Variants in TPTE2 observed in about 807,000 individuals in gnomAD.
The protein encoded by TPTE2 is phosphatidylinositol 3,4,5-trisphosphate 3-phosphatase TPTE2.
A neutral mutation model predicts 78.6 loss-of-function variants in TPTE2; 53 were observed. The ratio of observed to expected loss-of-function variants is 0.67; its 90% CI spans 0.54 to 0.85. The LOEUF (loss-of-function observed/expected upper bound fraction) is 0.85, where lower values mean the gene tolerates loss of function less well. TPTE2 is among the 40% of genes least tolerant of loss of function. The probability of loss-of-function intolerance (pLI) is 0.00; values close to 1 mark genes in which losing one functional copy is unlikely to be tolerated. For missense variants in TPTE2, 461 were observed against 623.0 expected (o/e 0.74, Z 2.77); for synonymous variants, 175 against 206.2 (o/e 0.85, Z 1.30).
chr13:19,502,983 A>G (rs1166140598), intron 1 of TPTE2, among the ~76,000 whole-genome samples: 5 of 152,146 alleles, frequency 3.3e-5, no homozygotes, highest in Non-Finnish European at 7.4e-5. Context: ...CAAAGGCTAC[A>G]TTGAAAAGAA....
rs1470735420 is a variant in TPTE2 at position 19,443,181 on chromosome 13, C to T, written c.974-5028G>A. Among the ~76,000 whole-genome samples, 36 of 151,860 alleles carry T rather than the reference C, an allele frequency of 2.4e-4. No individual in the cohort carries two copies. In the Middle Eastern group the frequency reaches 0.01, roughly 43 times the overall value. ...ATAAAATAATTTAATAAGTATTTAA[C>T]AAAATAATACAGCACAACTAAATTA... On this transcript the variant is annotated intron_variant, in intron 13 of 19. Transcript: ENST00000400230.
At chr13:19,522,771 C>T (rs111500298) in intron 1 of TPTE2, among the ~76,000 whole-genome samples, 5,682 of 151,298 alleles carry the variant, frequency 0.038, 383 homozygotes, top group African/African-American at 0.13. Context: ...TACAGGCACC[C>T]GCCACCATGT....
intron 10 of TPTE2, among the ~76,000 whole-genome samples, chr13:19,462,266 G>A (rs913015924): frequency 2.1e-4 from 32 of 152,170 alleles, no homozygotes; most frequent in African/African-American, 6.7e-4. Flanking sequence ...CCTTAAAGCA[G>A]TCCTTGAAAG....
chr13:19,469,002 C>A (rs1227124316), intron 6 of TPTE2, among the ~76,000 whole-genome samples: 3 of 152,180 alleles, frequency 2.0e-5, no homozygotes, highest in African/African-American at 7.2e-5. Flanking sequence ...GTTTCTTCTG[C>A]TACGAAGCAG....
chr13:19,527,764 A>G (rs1450241365), intron 1 of TPTE2, among the ~76,000 whole-genome samples: 1 of 152,150 alleles, frequency 6.6e-6, no homozygotes, highest in Non-Finnish European at 1.5e-5. Flanking sequence ...GCTACTGGCT[A>G]CTCACAAGGC....
At chr13:19,547,601 AAG>A in the TPTE2 span, among the ~76,000 whole-genome samples, 4 of 151,846 alleles carry the variant, frequency 2.6e-5, no homozygotes, top group African/African-American at 9.7e-5. Context: ...AAAACGGTAA[AAG>A]AAATTATGGT....
chr13:19,476,846 C>T (rs1879973581), intron 4 of TPTE2, among the ~76,000 whole-genome samples: 1 of 152,124 alleles, frequency 6.6e-6, no homozygotes, highest in African/African-American at 2.4e-5. Flanking sequence ...TTTGACTGAG[C>T]AATCCCATTA....
In TPTE2 at chr13:19,502,480, G is replaced by T. The variant is rs976145758; in HGVS notation, c.11+744C>A. On this transcript the variant is annotated intron_variant, in intron 1 of 19. Transcript: ENST00000400230. ...ATACTATGCAGCCATAAAAAATGAT[G>T]AGTTCATGTCCTTTGTAGGGACATG... Among the ~76,000 whole-genome samples, 268 of 151,194 alleles carry T rather than the reference G, an allele frequency of 1.8e-3. 1 individual carries two copies. The highest frequency in any genetic ancestry group is 6.0e-3 in the African/African-American group (249 of 41,318).
chr13:19,429,918 C>A (rs993351035), intron 17 of TPTE2, among the ~76,000 whole-genome samples: 1 of 152,184 alleles, frequency 6.6e-6, no homozygotes, highest in Non-Finnish European at 1.5e-5. Context: ...TTCACCCTTG[C>A]GTTGTTTCTC....
chr13:19,497,112 C>T (rs1240878402), intron 1 of TPTE2, among the ~76,000 whole-genome samples: 5 of 151,988 alleles, frequency 3.3e-5, no homozygotes, highest in African/African-American at 9.7e-5. Flanking sequence ...AACGGTGCAC[C>T]GCGAGATTAT....
upstream of TPTE2, among the ~76,000 whole-genome samples, chr13:19,506,321 G>A (rs1055522121): frequency 1.0e-3 from 152 of 150,060 alleles, no homozygotes; most frequent in African/African-American, 2.4e-3. Flanking sequence ...ACAGGCGCCC[G>A]CCACTACGCC....
intron 2 of TPTE2, 121 bp downstream of exon 5, chr13:19,493,327 G>GGATA: frequency 3.1e-6 from 2 of 643,236 alleles, no homozygotes; most frequent in Non-Finnish European, 5.2e-6. Context: ...GTGGATGGAT[G>GGATA]GATGGATGGA....
the TPTE2 span, among the ~76,000 whole-genome samples, chr13:19,547,169 G>A: frequency 6.6e-6 from 1 of 152,000 alleles, no homozygotes; most frequent in Non-Finnish European, 1.5e-5. Context: ...ACATAAGACA[G>A]TGGGGTAGCC....
chr13:19,425,576 G>A (rs928535630), intron 18 of TPTE2: 4 of 333,988 alleles, frequency 1.2e-5, no homozygotes, highest in Non-Finnish European at 2.4e-5. Flanking sequence ...TCATCCCACA[G>A]ACCCCCATAC....
At chr13:19,462,327 C>CT (rs1878975305) in intron 10 of TPTE2, among the ~76,000 whole-genome samples, 1 of 151,888 alleles carries the variant, frequency 6.6e-6, no homozygotes, top group Admixed American at 6.6e-5. Context: ...CTAGGAAATA[C>CT]TTTATTTCTC....
chr13:19,467,093 A>G (rs772857993), intron 7 of TPTE2, 132 bp downstream of exon 10: 30 of 1,185,414 alleles, frequency 2.5e-5, no homozygotes, highest in Non-Finnish European at 3.4e-5. Context: ...TTACCCAAAC[A>G]TTTCATTTTA....
intron 1 of TPTE2, among the ~76,000 whole-genome samples, chr13:19,520,577 A>C (rs1365786171): frequency 6.6e-6 from 1 of 150,454 alleles, no homozygotes; most frequent in Non-Finnish European, 1.5e-5. Flanking sequence ...TATTTTCTCT[A>C]TTGTTTTTCT....
chr13:19,450,708 A>G (rs143406253), intron 11 of TPTE2, among the ~76,000 whole-genome samples: 3,738 of 152,286 alleles, frequency 0.025, 66 homozygotes, highest in Middle Eastern at 0.051. Flanking sequence ...AGAGGAAAAA[A>G]TCAAGAGAGA....
the TPTE2 span, chr13:19,560,909 G>A: frequency 1.3e-6 from 2 of 1,586,654 alleles, no homozygotes; most frequent in Non-Finnish European, 1.7e-6. Context: ...CTCGTTGGAG[G>A]CCAGACAGCT....
Sources: allele counts gnomAD v4.1 joint callset (sites outside exome capture counted in the v4.1 genomes callset), GRCh38; gene constraint gnomAD v4.1.1; transcripts MANE v1.5; gene names NCBI Gene and HGNC (gene_info 2026-07-23, HGNC 2026-07-21).